Variants in MAGI2 observed in about 807,000 individuals in gnomAD.
MAGI2 encodes membrane-associated guanylate kinase, WW and PDZ domain-containing protein 2.
MAGI2 carries 35 observed loss-of-function variants against 133.3 expected under a neutral mutation model. That is an observed-to-expected ratio of 0.26 (90% confidence interval 0.20 to 0.35). The LOEUF (loss-of-function observed/expected upper bound fraction) is 0.35, where lower values mean the gene tolerates loss of function less well. Ranked by LOEUF, MAGI2 falls within the 10% of genes least tolerant of loss-of-function variation. The pLI, the probability that MAGI2 is intolerant of heterozygous loss-of-function variation, is 1.00. For missense variants in MAGI2, 1,636 were observed against 1,863.4 expected (o/e 0.88, Z 2.25); for synonymous variants, 729 against 710.6 (o/e 1.03, Z -0.41).
intron 1 of MAGI2, among the ~76,000 whole-genome samples, chr7:79,270,305 CCTTTACTGCAATGCCACAGTCTCAGTG>C (rs1166103156): frequency 1.3e-5 from 2 of 152,074 alleles, no homozygotes; most frequent in African/African-American, 4.8e-5. Context: ...GAGTCAAACT[CCTTTACTGCAATGCCACAGTCTCAGTG>C]AATTGGTTTT....
At chr7:78,312,472 A>G (rs1798792308) in intron 9 of MAGI2, among the ~76,000 whole-genome samples, 1 of 152,192 alleles carries the variant, frequency 6.6e-6, no homozygotes. Flanking sequence ...TTTGCAAACT[A>G]TGCATCTGAC....
intron 3 of MAGI2, among the ~76,000 whole-genome samples, chr7:78,555,229 G>GATAGATAGATAGATAGATAT (rs1293264561): frequency 6.6e-6 from 1 of 151,756 alleles, no homozygotes; most frequent in African/African-American, 2.4e-5. Flanking sequence ...TAGACAGATA[G>GATAGATAGATAGATAGATAT]ATAGATAGAT....
At chr7:78,887,870 C>T (rs543587430) in intron 2 of MAGI2, among the ~76,000 whole-genome samples, 11 of 152,232 alleles carry the variant, frequency 7.2e-5, no homozygotes, top group South Asian at 2.1e-4. Flanking sequence ...TGGGGAGTGA[C>T]GGAGAGTGGG....
Position 79,453,373 on chromosome 7 carries a change from G to C in MAGI2, c.-53C>G, listed in dbSNP as rs1447115847. 5 of 1,539,426 alleles carry C rather than the reference G, an allele frequency of 3.2e-6. No homozygotes were observed. The highest frequency in any genetic ancestry group is 4.4e-6 in the Non-Finnish European group (5 of 1,146,370). ...TGGGCTCCTTGGGGTTAGGGGGGCTGGTGGTGAGAGAATGAGGATGGAGGA... is the reference window on the plus strand; with the variant it reads ...TGGGCTCCTTGGGGTTAGGGGGGCTCGTGGTGAGAGAATGAGGATGGAGGA... On this transcript the variant is annotated 5_prime_UTR_variant, in exon 1 of 22. Coordinates refer to ENST00000354212, the MANE Select transcript of MAGI2 (RefSeq NM_012301.4).
intron 2 of MAGI2, among the ~76,000 whole-genome samples, chr7:78,815,902 A>T (rs1434294046): frequency 6.6e-6 from 1 of 152,178 alleles, no homozygotes; most frequent in Admixed American, 6.5e-5. Context: ...AGTTAAAGGG[A>T]GAGTTGCATG....
chr7:79,221,684 G>C (rs1256901060), intron 1 of MAGI2, among the ~76,000 whole-genome samples: 1 of 151,952 alleles, frequency 6.6e-6, no homozygotes, highest in Non-Finnish European at 1.5e-5. Flanking sequence ...TTCTTCTTCA[G>C]AAGTTTCAAT....
chr7:79,303,386 C>T (rs1197343758), intron 1 of MAGI2, among the ~76,000 whole-genome samples: 1 of 152,076 alleles, frequency 6.6e-6, no homozygotes, highest in Non-Finnish European at 1.5e-5. Context: ...ACTTTAGTAC[C>T]TTGGGATATT....
intron 9 of MAGI2, among the ~76,000 whole-genome samples, chr7:78,285,197 T>TGA (rs1276446077): frequency 6.6e-6 from 1 of 152,006 alleles, no homozygotes; most frequent in African/African-American, 2.4e-5. Context: ...ACCTCCCACA[T>TGA]GAGAAAGTGT....
chr7:78,903,294 C>T (rs1259768297), intron 2 of MAGI2, among the ~76,000 whole-genome samples: 1 of 147,050 alleles, frequency 6.8e-6, no homozygotes, highest in African/African-American at 2.5e-5. Context: ...CCCGGGTTCA[C>T]GCCATTCTCC....
At chr7:78,664,857 A>G (rs1266335705) in intron 2 of MAGI2, among the ~76,000 whole-genome samples, 1 of 152,028 alleles carries the variant, frequency 6.6e-6, no homozygotes, top group Non-Finnish European at 1.5e-5. Context: ...TATGATTTCA[A>G]GAATATTAAT....
chr7:79,334,066 C>T (rs1840267370), intron 1 of MAGI2, among the ~76,000 whole-genome samples: 1 of 152,192 alleles, frequency 6.6e-6, no homozygotes, highest in Non-Finnish European at 1.5e-5. Flanking sequence ...CCATCCGTGT[C>T]ATCTCTATAC....
rs1018146555 is a variant in MAGI2 at position 79,361,986 on chromosome 7, C to A, written c.301+91034G>T. On this transcript the variant is annotated intron_variant, in intron 1 of 21. Transcript: ENST00000354212. ...AGTTTATGGAAATGAGGAAAAGTCTCAGGTCAATAGTAAAATTTCTAGGAA... is the reference window on the plus strand; with the variant it reads ...AGTTTATGGAAATGAGGAAAAGTCTAAGGTCAATAGTAAAATTTCTAGGAA... Among the ~76,000 whole-genome samples, 4 of 151,784 alleles carry A rather than the reference C, an allele frequency of 2.6e-5. No homozygotes were observed. The East Asian group carries it at 7.7e-4, about 29-fold the overall frequency.
intron 10 of MAGI2, among the ~76,000 whole-genome samples, chr7:78,208,135 CTT>C (rs71085515): frequency 0.017 from 1,934 of 115,568 alleles, 44 homozygotes; most frequent in African/African-American, 0.048. Context: ...CCCAAAGTGG[CTT>C]TTTTTTTTTT....
rs558817342 is a variant in MAGI2, at chr7:78,852,130, C to T, written c.418+154960G>A. Among the ~76,000 whole-genome samples, 336 of 151,930 alleles carry T rather than the reference C, an allele frequency of 2.2e-3. 3 individuals are homozygous for T. Among genetic ancestry groups the T allele is most frequent in the African/African-American group, 7.5e-3 (312 of 41,478 alleles). Reference sequence around the variant, plus strand: ...TGGGGGTTTATTTGTATTTATTATTCGGGGTTAATTTGTATTTCCTTAATT... The same window carrying T: ...TGGGGGTTTATTTGTATTTATTATTTGGGGTTAATTTGTATTTCCTTAATT... On this transcript the variant is annotated intron_variant, in intron 2 of 21. Coordinates refer to ENST00000354212, the MANE Select transcript of MAGI2 (RefSeq NM_012301.4).
intron 1 of MAGI2, among the ~76,000 whole-genome samples, chr7:79,379,067 C>T (rs1235470915): frequency 6.7e-6 from 1 of 150,262 alleles, no homozygotes; most frequent in East Asian, 2.0e-4. Flanking sequence ...CCCATTAACT[C>T]GTCATTTACA....
chr7:79,088,985 A>T (rs1011960779), intron 1 of MAGI2, among the ~76,000 whole-genome samples: 1 of 152,128 alleles, frequency 6.6e-6, no homozygotes, highest in Non-Finnish European at 1.5e-5. Context: ...TCTAAAGAAA[A>T]AGAAACTCGC....
intron 1 of MAGI2, among the ~76,000 whole-genome samples, chr7:79,141,451 T>C (rs1822124669): frequency 6.6e-6 from 1 of 152,174 alleles, no homozygotes; most frequent in Non-Finnish European, 1.5e-5. Context: ...ATGTAACATC[T>C]ACTTCAGAGC....
intron 2 of MAGI2, among the ~76,000 whole-genome samples, chr7:78,636,385 C>T (rs1477531766): frequency 7.0e-6 from 1 of 142,320 alleles, no homozygotes; most frequent in African/African-American, 2.6e-5. Context: ...AGAAACCTCA[C>T]TGAATATCTT....
chr7:79,394,472 CT>C (rs1359526177), intron 1 of MAGI2, among the ~76,000 whole-genome samples: 2 of 152,116 alleles, frequency 1.3e-5, no homozygotes, highest in African/African-American at 2.4e-5. Flanking sequence ...AACTGGTAAC[CT>C]GTTATTTCTG....
Sources: allele counts gnomAD v4.1 joint callset (sites outside exome capture counted in the v4.1 genomes callset), GRCh38; gene constraint gnomAD v4.1.1; transcripts MANE v1.5; gene names NCBI Gene and HGNC (gene_info 2026-07-23, HGNC 2026-07-21).